The following FRAS1 variants were observed in gnomAD, a reference collection of about 807,000 sequenced individuals.
FRAS1 encodes Fraser extracellular matrix complex subunit 1.
A neutral mutation model predicts 435.2 loss-of-function variants in FRAS1; 290 were observed. That is an observed-to-expected ratio of 0.67 (90% CI 0.61 to 0.73). The LOEUF is 0.73. Among genes scored for constraint, FRAS1 ranks in the 30% least tolerant of loss-of-function variants. FRAS1 has a pLI of 0.00. For missense variants in FRAS1, 4,860 were observed against 5,001.5 expected (o/e 0.97, Z 0.85); for synonymous variants, 1,800 against 1,851.0 (o/e 0.97, Z 0.71).
intron 45 of FRAS1, among the ~76,000 whole-genome samples, chr4:78,451,428 G>T (rs949754008): frequency 2.0e-5 from 3 of 152,154 alleles, no homozygotes; most frequent in African/African-American, 4.8e-5. Flanking sequence ...GGTGATGTGG[G>T]TGTGGTCAGT....
chr4:78,464,454 T>C lies in FRAS1; in HGVS notation c.6900T>C (p.Thr2300=). The C allele has an allele frequency of 6.2e-7, 1 of 1,614,018 alleles. No homozygotes were observed. Among genetic ancestry groups the C allele is most frequent in the Middle Eastern group, 1.7e-4 (1 of 6,060 alleles). The part of the protein sequence containing the change: ...LSDGVSEVTQ[T]FHITLHPVDD... ...TCCTGCCATTCTAGGTGACTCAGACTTTCCATATCACTCTTCACCCTGTCG... is the reference window on the plus strand; with the variant it reads ...TCCTGCCATTCTAGGTGACTCAGACCTTCCATATCACTCTTCACCCTGTCG... Residue 2300 remains threonine (T), a synonymous_variant, in exon 49 of 74, where the codon ACT becomes ACC. Transcript: ENST00000512123.
At chr4:78,474,203 C>T (rs573870704) in intron 53 of FRAS1, among the ~76,000 whole-genome samples, 63 of 152,256 alleles carry the variant, frequency 4.1e-4, no homozygotes, top group Non-Finnish European at 5.6e-4. Context: ...ATGTGGACAG[C>T]CCTTTAAGAT....
At chr4:78,455,170 CA>C (rs11285122) in intron 47 of FRAS1, among the ~76,000 whole-genome samples, 3,273 of 152,294 alleles carry the variant, frequency 0.021, 119 homozygotes, top group African/African-American at 0.075. Context: ...TCCTCATCAC[CA>C]ACCCCACACT....
At chr4:78,425,483 C>CTATT (rs1364090723) in intron 35 of FRAS1, among the ~76,000 whole-genome samples, 1 of 152,202 alleles carries the variant, frequency 6.6e-6, no homozygotes, top group Non-Finnish European at 1.5e-5. Context: ...ATGGGATTGA[C>CTATT]TATTCCATTA....
chr4:78,207,319 A>T (rs1723303773), intron 2 of FRAS1, among the ~76,000 whole-genome samples: 1 of 152,222 alleles, frequency 6.6e-6, no homozygotes, highest in Non-Finnish European at 1.5e-5. Context: ...AATACTCCCA[A>T]ATCTGAGACT....
Position 78,448,154 on chromosome 4 carries a change from G to A in FRAS1, c.6112G>A (p.Val2038Ile), listed in dbSNP as rs370507573. 1.2e-5 allele frequency: 20 copies of A among 1,613,764 alleles called. No homozygotes were observed. The East Asian group carries it at 4.0e-4, about 32-fold the overall frequency. Residue 2038 changes from valine to isoleucine, a missense_variant, in exon 44 of 74, where the codon GTT becomes ATT. By Grantham distance (29) the Val-to-Ile change is conservative. Coordinates refer to ENST00000512123, the MANE Select transcript of FRAS1 (RefSeq NM_025074.7). Reference protein sequence around the residue: ...FTYQDILAGLVGYVPSVPGMV... With the variant: ...FTYQDILAGLIGYVPSVPGMV... The stretch of plus-strand genomic sequence containing the variant: ...CTACCAGGATATCCTAGCTGGGCTG[G>A]TTGGGTATGTGCCTAGTGTCCCTGG...
chr4:78,193,035 G>A (rs565349522), intron 2 of FRAS1, among the ~76,000 whole-genome samples: 2 of 152,194 alleles, frequency 1.3e-5, no homozygotes, highest in African/African-American at 2.4e-5. Flanking sequence ...TATGTACCCA[G>A]CAGTCATTCA....
chr4:78,155,760 C>T (rs1720858649), intron 2 of FRAS1, among the ~76,000 whole-genome samples: 1 of 152,120 alleles, frequency 6.6e-6, no homozygotes, highest in Admixed American at 6.6e-5. Flanking sequence ...GGCTTACTTT[C>T]CCCAACTTCC....
At chr4:78,113,716 T>C (rs567054258) in intron 2 of FRAS1, among the ~76,000 whole-genome samples, 4 of 152,308 alleles carry the variant, frequency 2.6e-5, no homozygotes, top group East Asian at 1.9e-4. Context: ...TCATTGTAGA[T>C]TCTGGATATT....
intron 4 of FRAS1, among the ~76,000 whole-genome samples, chr4:78,247,190 C>T (rs1009413026): frequency 3.3e-5 from 5 of 152,022 alleles, no homozygotes; most frequent in Non-Finnish European, 5.9e-5. Context: ...AAAGTTCTCC[C>T]GCTGGTCTTT....
Position 78,318,920 on chromosome 4 carries a change from C to T in FRAS1, c.2071C>T (p.Pro691Ser). The T allele has an allele frequency of 2.5e-6, 4 of 1,613,974 alleles. No individual in the cohort carries two copies. In the South Asian group the frequency reaches 4.4e-5, roughly 18 times the overall value. Residue 691 changes from proline to serine, a missense_variant, in exon 18 of 74, where the codon CCC becomes TCC. By Grantham distance (74) the Pro-to-Ser change is moderately conservative. Transcript: ENST00000512123. ...QVEQLSDVGI[P>S]SGECLAQCRA... ...GGAGCAGCTGTCTGACGTGGGCATCCCCTCTGGCGAGTGTCTAGCCCAGTG... is the reference window on the plus strand; with the variant it reads ...GGAGCAGCTGTCTGACGTGGGCATCTCCTCTGGCGAGTGTCTAGCCCAGTG...
At chr4:78,161,082 T>C (rs891783338) in intron 2 of FRAS1, among the ~76,000 whole-genome samples, 3 of 151,854 alleles carry the variant, frequency 2.0e-5, no homozygotes, top group African/African-American at 7.3e-5. Context: ...GATGTTATAG[T>C]GAGCTGAGAT....
intron 19 of FRAS1, 67 bp from the exon 20 acceptor site, chr4:78,337,607 A>C: frequency 6.6e-7 from 1 of 1,522,470 alleles, no homozygotes; most frequent in South Asian, 1.2e-5. Flanking sequence ...TGTGGAATGC[A>C]TTAAATACTT....
intron 2 of FRAS1, among the ~76,000 whole-genome samples, chr4:78,201,020 A>C (rs934063032): frequency 6.6e-6 from 1 of 151,336 alleles, no homozygotes; most frequent in African/African-American, 2.5e-5. Context: ...TCTCTTCAAC[A>C]TAATGAGTTC....
intron 2 of FRAS1, among the ~76,000 whole-genome samples, chr4:78,173,695 G>C (rs1327437946): frequency 6.6e-6 from 1 of 152,224 alleles, no homozygotes; most frequent in Non-Finnish European, 1.5e-5. Flanking sequence ...TCTATAAGGT[G>C]CATAAAGTTG....
intron 23 of FRAS1, among the ~76,000 whole-genome samples, chr4:78,371,816 A>ACAACAG (rs1392271894): frequency 3.3e-5 from 5 of 152,204 alleles, no homozygotes; most frequent in African/African-American, 4.8e-5. Context: ...GCCATTAAAA[A>ACAACAG]CAACAGCAAC....
intron 2 of FRAS1, among the ~76,000 whole-genome samples, chr4:78,214,713 G>A (rs957544151): frequency 1.1e-4 from 16 of 152,210 alleles, no homozygotes; most frequent in African/African-American, 3.9e-4. Context: ...TCATAACTGA[G>A]AAAAACAGCC....
At chr4:78,449,910 T>C (rs1177447597) in intron 44 of FRAS1, among the ~76,000 whole-genome samples, 1 of 151,960 alleles carries the variant, frequency 6.6e-6, no homozygotes, top group African/African-American at 2.4e-5. Context: ...AGAATGAAAA[T>C]GGATCAGAAG....
At chr4:78,418,166 T>G (rs772038576) in intron 32 of FRAS1, among the ~76,000 whole-genome samples, 1 of 152,152 alleles carries the variant, frequency 6.6e-6, no homozygotes, top group Non-Finnish European at 1.5e-5. Context: ...ATTCACTGGG[T>G]CCTGAAAGCT....
Sources: gnomAD v4.1 joint callset for allele counts (sites outside exome capture counted in the v4.1 genomes callset) on GRCh38, gnomAD v4.1.1 for gene constraint, MANE v1.5 for transcripts, NCBI Gene and HGNC (gene_info 2026-07-23, HGNC 2026-07-21) for gene names.